The following INO80D variants were observed in gnomAD, a reference collection of about 807,000 sequenced individuals.
INO80D encodes INO80 complex subunit D.
INO80D carries 21 observed loss-of-function variants against 87.6 expected under a neutral mutation model. The ratio of observed to expected loss-of-function variants is 0.24; its 90% CI spans 0.17 to 0.35. INO80D has a LOEUF of 0.35. INO80D is among the 10% of genes least tolerant of loss of function. The pLI is 1.00. For missense variants in INO80D, 982 were observed against 1,280.7 expected (o/e 0.77, Z 3.56); for synonymous variants, 440 against 491.0 (o/e 0.90, Z 1.37).
chr2:205,997,458 A>T lies in INO80D; in HGVS notation c.*6910T>A, dbSNP rs544003872. 1 of 152,300 alleles carries T rather than the reference A, an allele frequency of 6.6e-6. No individual in the cohort carries two copies. The highest frequency in any genetic ancestry group is 1.9e-4 in the East Asian group (1 of 5,194). The allele number at this position is 152,300 out of a possible 1,614,324, so 9.4% of individuals were successfully genotyped here. A position where few individuals can be genotyped will look rare whatever the true frequency, so the allele number is the denominator to read the frequency against. On this transcript the variant is annotated 3_prime_UTR_variant, in exon 11 of 11. Coordinates refer to ENST00000403263, the MANE Select transcript of INO80D (RefSeq NM_017759.5). ...AAGCAGCCCCTTCCAAAAATTGTTTATGAAAGGCCTATACTTTTTCTTAAC... is the reference window on the plus strand; with the variant it reads ...AAGCAGCCCCTTCCAAAAATTGTTTTTGAAAGGCCTATACTTTTTCTTAAC...
At chr2:206,078,729 G>A (rs1306218072) in intron 1 of INO80D, among the ~76,000 whole-genome samples, 3 of 152,052 alleles carry the variant, frequency 2.0e-5, no homozygotes, top group Admixed American at 6.6e-5. Context: ...GGTGGATCAC[G>A]AGATCAGGAG....
chr2:206,036,483 T>TG (rs1464812703), intron 5 of INO80D, among the ~76,000 whole-genome samples: 1 of 151,986 alleles, frequency 6.6e-6, no homozygotes, highest in Non-Finnish European at 1.5e-5. Context: ...AACTCAGAAA[T>TG]GGAAAACCAA....
chr2:206,030,003 T>C (rs191227213), intron 5 of INO80D, among the ~76,000 whole-genome samples: 8 of 152,286 alleles, frequency 5.3e-5, no homozygotes, highest in South Asian at 2.1e-4. Context: ...AGAATCTCCA[T>C]GGTATAGGGC....
At position 205,993,812 on chromosome 2, in the gene INO80D, T is replaced by A. The variant is rs1312904251; in HGVS notation, c.*10556A>T. 1 of 152,194 alleles carries A rather than the reference T, an allele frequency of 6.6e-6. No individual in the cohort carries two copies. Among genetic ancestry groups the A allele is most frequent in the Non-Finnish European group, 1.5e-5 (1 of 68,036 alleles). The allele number at this position is 152,194 out of a possible 1,614,324, so 9.4% of individuals were successfully genotyped here. Reference sequence around the variant, plus strand: ...TACAGATAATACATACAGTGTTTCATACACATATTACATCAGTTTTTACAC... The same window carrying A: ...TACAGATAATACATACAGTGTTTCAAACACATATTACATCAGTTTTTACAC... On this transcript the variant is annotated 3_prime_UTR_variant, in exon 11 of 11. Transcript: ENST00000403263.
intron 1 of INO80D, among the ~76,000 whole-genome samples, chr2:206,079,662 T>C (rs886181787): frequency 1.3e-5 from 2 of 152,200 alleles, no homozygotes; most frequent in Admixed American, 6.5e-5. Context: ...ATTACAGTCT[T>C]GTCCTCCTTT....
intron 1 of INO80D, among the ~76,000 whole-genome samples, chr2:206,080,704 G>C (rs1220101236): frequency 6.6e-6 from 1 of 151,758 alleles, no homozygotes; most frequent in Admixed American, 6.6e-5. Context: ...TCAGGAGACC[G>C]AGACCATCCT....
intron 5 of INO80D, among the ~76,000 whole-genome samples, chr2:206,045,473 A>T (rs1689169899): frequency 6.6e-6 from 1 of 152,216 alleles, no homozygotes; most frequent in Admixed American, 6.5e-5. Flanking sequence ...GTAGACAAGG[A>T]TCTATCTTGG....
chr2:206,073,039 C>G (rs899064275), intron 1 of INO80D, among the ~76,000 whole-genome samples: 1 of 152,040 alleles, frequency 6.6e-6, no homozygotes, highest in Non-Finnish European at 1.5e-5. Context: ...AGTCTCACTA[C>G]ATTGCCCAGG....
Position 205,995,568 on chromosome 2 carries a change from T to A in INO80D, c.*8800A>T, listed in dbSNP as rs1007081080. On this transcript the variant is annotated 3_prime_UTR_variant, in exon 11 of 11. Coordinates refer to ENST00000403263, the MANE Select transcript of INO80D (RefSeq NM_017759.5). ...TCAACACTATTTATATACATATATA[T>A]CTGGAGAGCAATATTTCATTGCCTT... 6.6e-6 allele frequency: 1 copy of A among 152,138 alleles called. No individual in the cohort carries two copies. The highest frequency in any genetic ancestry group is 1.5e-5 in the Non-Finnish European group (1 of 67,998). 9.4% of individuals were successfully genotyped at this position (152,138 alleles called of 1,614,324 possible).
chr2:206,040,240 C>G (rs1222165705), intron 5 of INO80D, among the ~76,000 whole-genome samples: 1 of 146,126 alleles, frequency 6.8e-6, no homozygotes, highest in Non-Finnish European at 1.5e-5. Context: ...GAGCCTAAAT[C>G]TCACCACTGC....
At chr2:206,029,752 C>T (rs2105836758) in intron 5 of INO80D, among the ~76,000 whole-genome samples, 1 of 152,324 alleles carries the variant, frequency 6.6e-6, no homozygotes. Flanking sequence ...TCAACATTCA[C>T]TGTGTATCTA....
At chr2:206,059,581 A>G (rs1013027907) in intron 3 of INO80D, among the ~76,000 whole-genome samples, 1 of 152,198 alleles carries the variant, frequency 6.6e-6, no homozygotes, top group Non-Finnish European at 1.5e-5. Flanking sequence ...AATCTCAAGC[A>G]CACACAGAAT....
rs943795335 is a variant in INO80D, at chr2:205,997,578, TCAC to T, written c.*6787_*6789del. ...AAGATTCAATAGATCTGTGGTCCCA[TCAC>T]CACAATAGATAAACACAGCTCATGT... is the stretch of plus-strand genomic sequence containing the variant. On this transcript the variant is annotated 3_prime_UTR_variant, in exon 11 of 11. Coordinates refer to ENST00000403263, the MANE Select transcript of INO80D (RefSeq NM_017759.5). The T allele has an allele frequency of 6.6e-6, 1 of 152,128 alleles. No individual in the cohort carries two copies. Among genetic ancestry groups the T allele is most frequent in the African/African-American group, 2.4e-5 (1 of 41,452 alleles). The allele number at this position is 152,128 out of a possible 1,614,324, so 9.4% of individuals were successfully genotyped here.
In INO80D at chr2:206,004,171, G is replaced by A; in HGVS notation, c.*197C>T. On this transcript the variant is annotated 3_prime_UTR_variant, in exon 11 of 11. Coordinates refer to ENST00000403263, the MANE Select transcript of INO80D (RefSeq NM_017759.5). The surrounding 1 kb of genome is among the most constrained non-coding windows in gnomAD (Gnocchi z 4.9). ...CGGAGTGGGCCTGCCAGGAGGGAAT[G>A]AGCACCAGTGCTAAGGAGCACATGT... 2 of 602,800 alleles carry A rather than the reference G, an allele frequency of 3.3e-6. No homozygotes were observed. The highest frequency in any genetic ancestry group is 5.8e-6 in the Non-Finnish European group (2 of 342,398). 37.3% of individuals were successfully genotyped at this position (602,800 alleles called of 1,614,324 possible). A position where few individuals can be genotyped will look rare whatever the true frequency, so the allele number is the denominator to read the frequency against.
At chr2:206,045,205 T>C (rs1251925105) in intron 5 of INO80D, among the ~76,000 whole-genome samples, 1 of 152,222 alleles carries the variant, frequency 6.6e-6, no homozygotes, top group East Asian at 1.9e-4. Context: ...GCTTCCTGTG[T>C]AGTTTTGTTT....
At position 206,056,477 on chromosome 2, in the gene INO80D, C is replaced by A; in HGVS notation, c.685G>T (p.Val229Phe). 1 of 1,613,980 alleles carries A rather than the reference C, an allele frequency of 6.2e-7. No homozygotes were observed. The highest frequency in any genetic ancestry group is 8.5e-7 in the Non-Finnish European group (1 of 1,179,884). Residue 229 changes from valine (V) to phenylalanine (F), a missense_variant, in exon 4 of 11, where the codon GTC (valine) becomes TTC (phenylalanine). Transcript: ENST00000403263. The part of the protein sequence containing the change: ...LKPPAPPQGS[V>F]CKSPQPQNTS... ...TTCTGAGGTTGAGGTGACTTGCAGA[C>A]TGAACCCTGCGGTGGCGCTGGAGGT...
intron 8 of INO80D, among the ~76,000 whole-genome samples, chr2:206,011,256 A>C (rs1172592366): frequency 6.6e-6 from 1 of 152,156 alleles, no homozygotes; most frequent in Non-Finnish European, 1.5e-5. Flanking sequence ...ACCAGTGCTG[A>C]TCTCAGGAGG....
intron 6 of INO80D, 67 bp from the exon 7 acceptor site, chr2:206,019,912 CATG>C (rs1269353020): frequency 1.8e-6 from 2 of 1,116,214 alleles, no homozygotes; most frequent in East Asian, 5.1e-5. Flanking sequence ...AATTTTTCAA[CATG>C]ATGTCACAAC....
chr2:206,017,930 A>C, intron 7 of INO80D, 117 bp from the exon 8 acceptor site: 3 of 841,790 alleles, frequency 3.6e-6, no homozygotes, highest in Non-Finnish European at 5.4e-6. Context: ...CCATAATATA[A>C]ATATTACCCA....
Sources: allele counts gnomAD v4.1 joint callset (sites outside exome capture counted in the v4.1 genomes callset), GRCh38; gene constraint gnomAD v4.1.1; non-coding constraint Gnocchi (gnomAD v3.1); transcripts MANE v1.5; gene names NCBI Gene and HGNC (gene_info 2026-07-23, HGNC 2026-07-21).